Variants in AKAP13 observed in about 807,000 individuals in gnomAD.
AKAP13 encodes A-kinase anchor protein 13.
A neutral mutation model predicts 264.5 loss-of-function variants in AKAP13; 80 were observed. The ratio of observed to expected loss-of-function variants is 0.30; its 90% confidence interval spans 0.25 to 0.36. The LOEUF (loss-of-function observed/expected upper bound fraction) is 0.36. Ranked by LOEUF, AKAP13 falls within the 10% of genes least tolerant of loss-of-function variation. The pLI is 1.00. For synonymous variants in AKAP13, 1,380 were observed against 1,250.2 expected (o/e 1.10, Z -2.19); for missense variants, 3,712 against 3,435.2 (o/e 1.08, Z -2.01).
At chr15:85,638,029 C>T (rs2082142790) in intron 8 of AKAP13, among the ~76,000 whole-genome samples, 1 of 150,280 alleles carries the variant, frequency 6.7e-6, no homozygotes, top group South Asian at 2.1e-4. Flanking sequence ...CAGGCGCCTG[C>T]CACCATGCCT....
intron 1 of AKAP13, among the ~76,000 whole-genome samples, chr15:85,414,580 T>A (rs999481683): frequency 6.6e-6 from 1 of 152,200 alleles, no homozygotes; most frequent in Admixed American, 6.5e-5. Flanking sequence ...GTACAGAGTG[T>A]TCCTTTATGT....
chr15:85,570,119 A>G (rs1220101816), intron 5 of AKAP13, among the ~76,000 whole-genome samples: 2 of 147,074 alleles, frequency 1.4e-5, no homozygotes, highest in Non-Finnish European at 3.0e-5. Context: ...ATATTTACTT[A>G]TCACTGGATA....
chr15:85,609,599 C>T (rs2080509894), intron 8 of AKAP13, among the ~76,000 whole-genome samples: 2 of 152,154 alleles, frequency 1.3e-5, no homozygotes, highest in South Asian at 4.1e-4. Flanking sequence ...GATTTCCTGT[C>T]CTTTGGATAT....
At chr15:85,632,114 G>C (rs1480610571) in intron 8 of AKAP13, among the ~76,000 whole-genome samples, 2 of 152,152 alleles carry the variant, frequency 1.3e-5, no homozygotes, top group Non-Finnish European at 1.5e-5. Context: ...GTACTTGCAA[G>C]CTGGCAAGTT....
At chr15:85,701,869 C>T (rs533351897) in intron 17 of AKAP13, among the ~76,000 whole-genome samples, 1 of 152,224 alleles carries the variant, frequency 6.6e-6, no homozygotes, top group East Asian at 1.9e-4. Flanking sequence ...CACCCTACTC[C>T]AGAAGTAATG....
At chr15:85,423,157 G>T (rs1008967784) in intron 1 of AKAP13, among the ~76,000 whole-genome samples, 1 of 152,198 alleles carries the variant, frequency 6.6e-6, no homozygotes, top group Admixed American at 6.5e-5. Context: ...CTGATCAGGT[G>T]GTGGTTGCTG....
rs938167802 is a variant in AKAP13, at chr15:85,436,488, C to G, written c.-11-49222C>G. On this transcript the variant is annotated intron_variant, in intron 1 of 36. Transcript: ENST00000394518. ...GGACCTAATAGACATCTACAGAACT[C>G]TCCACCCCAAATCAACAGAATATAC... 4.1e-5 allele frequency among the ~76,000 whole-genome samples: 6 copies of G among 148,084 alleles called. No homozygotes were observed. The East Asian group carries it at 6.0e-4, about 15-fold the overall frequency.
At position 85,715,627 on chromosome 15, in the gene AKAP13, C is replaced by T. The variant is rs185457908; in HGVS notation, c.5600-161C>T. On this transcript the variant is annotated intron_variant, in intron 19 of 36. Transcript: ENST00000394518. Reference sequence around the variant, plus strand: ...ACCAGGTGGAGCTGGATGGGTGATGCTTCAGTTAGTGTCCTCTCCTCCATG... The same window carrying T: ...ACCAGGTGGAGCTGGATGGGTGATGTTTCAGTTAGTGTCCTCTCCTCCATG... Among the ~76,000 whole-genome samples, 169 of 147,976 alleles carry T rather than the reference C, an allele frequency of 1.1e-3. 1 individual carries two copies. Among genetic ancestry groups the T allele is most frequent in the African/African-American group, 4.2e-3 (166 of 39,784 alleles).
chr15:85,740,786 C>G (rs1393217263), intron 34 of AKAP13, among the ~76,000 whole-genome samples: 1 of 115,738 alleles, frequency 8.6e-6, no homozygotes, highest in East Asian at 2.8e-4. Context: ...CCCCCCCCCC[C>G]ACCCCAGGTA....
intron 17 of AKAP13, among the ~76,000 whole-genome samples, chr15:85,701,645 T>C (rs1001157452): frequency 1.9e-5 from 2 of 105,044 alleles, no homozygotes; most frequent in Admixed American, 1.1e-4. Context: ...GGTTTCACCA[T>C]ATTGGCCAGG....
chr15:85,471,452 G>A (rs1347149928), intron 1 of AKAP13, among the ~76,000 whole-genome samples: 2 of 152,206 alleles, frequency 1.3e-5, no homozygotes, highest in East Asian at 1.9e-4. Context: ...CTGAGATGGT[G>A]CCACTACACT....
At chr15:85,400,544 A>G (rs7165772) in intron 1 of AKAP13, among the ~76,000 whole-genome samples, 146,779 of 152,342 alleles carry the variant, frequency 0.96, 70,765 homozygotes, top group South Asian at 0.98. Flanking sequence ...TTAAACATTG[A>G]AACTGTGTTC....
intron 1 of AKAP13, among the ~76,000 whole-genome samples, chr15:85,463,819 TC>T (rs201943985): frequency 6.6e-6 from 1 of 151,708 alleles, no homozygotes; most frequent in Non-Finnish European, 1.5e-5. Context: ...TTTTTTTTTT[TC>T]CCCCTGGGTG....
intron 5 of AKAP13, among the ~76,000 whole-genome samples, chr15:85,547,787 T>C (rs1188353629): frequency 6.6e-6 from 1 of 152,210 alleles, no homozygotes; most frequent in Non-Finnish European, 1.5e-5. Context: ...TTGACATATA[T>C]GTTATCTCTT....
intron 19 of AKAP13, among the ~76,000 whole-genome samples, chr15:85,714,973 AAAAG>A (rs2086842754): frequency 6.6e-6 from 1 of 152,156 alleles, no homozygotes; most frequent in Non-Finnish European, 1.5e-5. Flanking sequence ...TTTCAAAAAA[AAAAG>A]AAATTCTTTC....
chr15:85,697,079 T>C lies in AKAP13; in HGVS notation c.5464+3628T>C, dbSNP rs144438651. On this transcript the variant is annotated intron_variant, in intron 17 of 36. Coordinates refer to ENST00000394518, the MANE Select transcript of AKAP13 (RefSeq NM_007200.5). ...GAAATTCCAGTTTAGGAATGACAGATCCTTGAGGGACCCAGCCTGTAGCAG... is the reference window on the plus strand; with the variant it reads ...GAAATTCCAGTTTAGGAATGACAGACCCTTGAGGGACCCAGCCTGTAGCAG... Among the ~76,000 whole-genome samples the C allele has an allele frequency of 5.1e-3, 776 of 152,262 alleles. 13 individuals are homozygous for C. The highest frequency in any genetic ancestry group is 0.011 in the Admixed American group (166 of 15,292).
intron 1 of AKAP13, among the ~76,000 whole-genome samples, chr15:85,434,787 A>C (rs2073197067): frequency 6.6e-6 from 1 of 151,148 alleles, no homozygotes; most frequent in Non-Finnish European, 1.5e-5. Flanking sequence ...AAACTAACAA[A>C]CAGAAAGGAC....
chr15:85,653,146 T>C (rs2082939592), intron 10 of AKAP13, among the ~76,000 whole-genome samples: 1 of 152,194 alleles, frequency 6.6e-6, no homozygotes, highest in Non-Finnish European at 1.5e-5. Context: ...GCATAGTCAG[T>C]TATTTCATTT....
intron 12 of AKAP13, among the ~76,000 whole-genome samples, chr15:85,662,812 A>G (rs930870266): frequency 5.3e-5 from 8 of 152,234 alleles, no homozygotes; most frequent in Admixed American, 2.0e-4. Flanking sequence ...GATTTCTATT[A>G]TGCTTCTAAA....
Sources: allele counts gnomAD v4.1 joint callset (sites outside exome capture counted in the v4.1 genomes callset), GRCh38; gene constraint gnomAD v4.1.1; transcripts MANE v1.5; gene names NCBI Gene and HGNC (gene_info 2026-07-23, HGNC 2026-07-21).